Variants in NDST4 observed in about 807,000 individuals in gnomAD.
The protein encoded by NDST4 is N-deacetylase and N-sulfotransferase 4.
Under a neutral mutation model 100.8 loss-of-function variants are expected in NDST4, and 63 were observed. That is an observed-to-expected ratio of 0.62 (90% CI 0.51 to 0.77). NDST4 has a LOEUF of 0.77. Among genes scored for constraint, NDST4 ranks in the 30% least tolerant of loss-of-function variants. The probability of loss-of-function intolerance (pLI) is 0.00; values close to 1 mark genes in which losing one functional copy is unlikely to be tolerated. For synonymous variants in NDST4, 377 were observed against 361.8 expected, an observed-to-expected ratio of 1.04 and a Z score of -0.48; for missense variants, 943 against 1,018.4, an observed-to-expected ratio of 0.93 and a Z score of 1.01.
intron 13 of NDST4, among the ~76,000 whole-genome samples, chr4:114,828,847 C>A (rs1054796478): frequency 5.9e-5 from 9 of 152,198 alleles, no homozygotes; most frequent in Non-Finnish European, 8.8e-5. Context: ...CCACATAAAA[C>A]TCCCTTAGCA....
intron 1 of NDST4, among the ~76,000 whole-genome samples, chr4:115,095,651 A>C (rs1387442425): frequency 6.6e-6 from 1 of 152,132 alleles, no homozygotes; most frequent in African/African-American, 2.4e-5. Context: ...CTTTAATCCT[A>C]GAAAATCTTA....
chr4:115,103,074 T>C (rs992833979), intron 1 of NDST4, among the ~76,000 whole-genome samples: 1 of 152,056 alleles, frequency 6.6e-6, no homozygotes, highest in Non-Finnish European at 1.5e-5. Flanking sequence ...ATTTGGATCA[T>C]TTTTGGGTGA....
At chr4:114,867,753 TA>T (rs147727713) in intron 7 of NDST4, among the ~76,000 whole-genome samples, 12,775 of 151,124 alleles carry the variant, frequency 0.085, 1,586 homozygotes, top group African/African-American at 0.27. Flanking sequence ...GGACATGAAT[TA>T]ATGTACACGA....
At chr4:114,947,104 T>G (rs1725883397) in intron 4 of NDST4, among the ~76,000 whole-genome samples, 1 of 152,096 alleles carries the variant, frequency 6.6e-6, no homozygotes, top group Non-Finnish European at 1.5e-5. Context: ...AAATAAAGAC[T>G]TGTAATGTCT....
chr4:114,910,553 A>G (rs1341717406), intron 6 of NDST4, among the ~76,000 whole-genome samples: 1 of 152,198 alleles, frequency 6.6e-6, no homozygotes, highest in East Asian at 1.9e-4. Context: ...CATATGCAAG[A>G]TAAATTTATG....
At chr4:115,057,593 T>C (rs1728722783) in intron 2 of NDST4, among the ~76,000 whole-genome samples, 1 of 152,116 alleles carries the variant, frequency 6.6e-6, no homozygotes, top group Admixed American at 6.6e-5. Flanking sequence ...TGAACCTTAG[T>C]TTATAGTACA....
chr4:114,852,102 C>A (rs771428146), intron 8 of NDST4, among the ~76,000 whole-genome samples: 3 of 152,154 alleles, frequency 2.0e-5, no homozygotes, highest in Non-Finnish European at 2.9e-5. Context: ...AAAGTGTCAT[C>A]TCATTGGTGA....
intron 6 of NDST4, among the ~76,000 whole-genome samples, chr4:114,923,768 A>G (rs963764671): frequency 6.6e-6 from 1 of 152,016 alleles, no homozygotes; most frequent in African/African-American, 2.4e-5. Context: ...TAACATCCAC[A>G]TAAACAGGAG....
intron 2 of NDST4, among the ~76,000 whole-genome samples, chr4:115,049,986 C>T (rs1246717041): frequency 6.6e-6 from 1 of 152,064 alleles, no homozygotes; most frequent in African/African-American, 2.4e-5. Flanking sequence ...TGCCTAAATT[C>T]TGTCAGAGGA....
intron 9 of NDST4, among the ~76,000 whole-genome samples, chr4:114,846,993 G>A (rs1723563394): frequency 6.6e-6 from 1 of 152,082 alleles, no homozygotes; most frequent in South Asian, 2.1e-4. Flanking sequence ...CCCAGATGCA[G>A]AGTCGACACA....
At chr4:115,073,739 G>A (rs1729125413) in intron 2 of NDST4, among the ~76,000 whole-genome samples, 1 of 151,962 alleles carries the variant, frequency 6.6e-6, no homozygotes, top group Middle Eastern at 3.4e-3. Flanking sequence ...ACCTATAGTA[G>A]ATTCTAATAG....
chr4:114,970,686 A>G (rs376525492), intron 3 of NDST4, 102 bp from the exon 4 acceptor site: 2 of 971,056 alleles, frequency 2.1e-6, no homozygotes, highest in Non-Finnish European at 3.0e-6. Context: ...GCTGATACAT[A>G]TATCCAATTC....
chr4:114,843,931 G>T (rs1325887826), intron 10 of NDST4, among the ~76,000 whole-genome samples: 2 of 152,142 alleles, frequency 1.3e-5, no homozygotes, highest in East Asian at 1.9e-4. Flanking sequence ...ATAATGAAGG[G>T]TTTCATTCAT....
chr4:114,937,447 G>C lies in NDST4; in HGVS notation c.1278C>G (p.Val426=), dbSNP rs745363094. ...CATACAGCTGAATGTGAACCGGGTA[G>C]ACCCCTGAGTGATGTGGGGCCACAG... ...GYAVAPHHSG[V]YPVHIQLYAA... The change falls in exon 5 of 14, where the codon GTC becomes GTG. Residue 426 remains valine, a synonymous_variant. Coordinates refer to ENST00000264363, the MANE Select transcript of NDST4 (RefSeq NM_022569.3). 6.2e-7 allele frequency: 1 copy of C among 1,611,768 alleles called. No homozygotes were observed. The highest frequency in any genetic ancestry group is 8.5e-7 in the Non-Finnish European group (1 of 1,178,746).
chr4:114,900,378 G>GT (rs1578375590), intron 6 of NDST4, among the ~76,000 whole-genome samples: 1 of 151,848 alleles, frequency 6.6e-6, no homozygotes, highest in Admixed American at 6.6e-5. Context: ...AAATTTTCTA[G>GT]TTTTTTAAGG....
At chr4:114,996,572 T>C (rs1002677516) in intron 2 of NDST4, among the ~76,000 whole-genome samples, 4 of 152,120 alleles carry the variant, frequency 2.6e-5, no homozygotes, top group African/African-American at 7.2e-5. Flanking sequence ...GGACTGATCT[T>C]AGCTCTCCTC....
In NDST4 at chr4:114,839,360, G is replaced by A. The variant is rs763182401; in HGVS notation, c.2286+18C>T. The A allele has an allele frequency of 1.3e-5, 21 of 1,584,856 alleles. No homozygotes were observed. The highest frequency in any genetic ancestry group is 2.7e-5 in the African/African-American group (2 of 73,660). ...ATTATAATAAAATAAACAGAAGAAA[G>A]TAATTTCAGGACATTACCTGAGAAG... On this transcript the variant is annotated intron_variant, in intron 11 of 13. Coordinates refer to ENST00000264363, the MANE Select transcript of NDST4 (RefSeq NM_022569.3).
chr4:115,013,380 T>C (rs1727602854), intron 2 of NDST4, among the ~76,000 whole-genome samples: 1 of 130,096 alleles, frequency 7.7e-6, no homozygotes, highest in Admixed American at 7.9e-5. Context: ...TACACACACA[T>C]ACATACCTAA....
intron 10 of NDST4, among the ~76,000 whole-genome samples, chr4:114,843,005 C>T (rs557396440): frequency 6.6e-6 from 1 of 151,980 alleles, no homozygotes; most frequent in African/African-American, 2.4e-5. Flanking sequence ...TATTATAGTA[C>T]TAGACTCATC....
Sources: gnomAD v4.1 joint callset for allele counts (sites outside exome capture counted in the v4.1 genomes callset) on GRCh38, gnomAD v4.1.1 for gene constraint, MANE v1.5 for transcripts, NCBI Gene and HGNC (gene_info 2026-07-23, HGNC 2026-07-21) for gene names.